Variants in VPS13B observed in about 807,000 individuals in gnomAD.
The protein encoded by VPS13B is intermembrane lipid transfer protein VPS13B.
In VPS13B, 285 loss-of-function variants were observed where a neutral mutation model predicts 426.4. The observed-to-expected ratio is 0.67, with a 90% CI of 0.61 to 0.74. The LOEUF is 0.74. VPS13B is among the 30% of genes least tolerant of loss of function. The pLI is 0.00. For synonymous variants in VPS13B, 1,676 were observed against 1,676.4 expected (o/e 1.00, Z 0.01); for missense variants, 4,537 against 4,782.6 (o/e 0.95, Z 1.51).
intron 3 of VPS13B, among the ~76,000 whole-genome samples, chr8:99,062,582 C>T (rs894462553): frequency 3.3e-5 from 5 of 152,154 alleles, no homozygotes; most frequent in Non-Finnish European, 7.3e-5. Context: ...GATTCTTCTG[C>T]CTCAGCCTCC....
chr8:99,812,330 A>C (rs1312844517), intron 44 of VPS13B, among the ~76,000 whole-genome samples: 1 of 152,202 alleles, frequency 6.6e-6, no homozygotes, highest in African/African-American at 2.4e-5. Flanking sequence ...TTGGGAAGGA[A>C]GAAGGGAACC....
intron 34 of VPS13B, among the ~76,000 whole-genome samples, chr8:99,649,625 T>TACACAC (rs57697283): frequency 4.1e-5 from 6 of 146,420 alleles, no homozygotes; most frequent in African/African-American, 1.0e-4. Flanking sequence ...CCCCTCTACA[T>TACACAC]ACACACACAC....
At chr8:99,857,525 T>C (rs1816612597) in intron 56 of VPS13B, among the ~76,000 whole-genome samples, 3 of 152,136 alleles carry the variant, frequency 2.0e-5, no homozygotes, top group Non-Finnish European at 4.4e-5. Flanking sequence ...CGCCTACTCT[T>C]TGCAGCCTGA....
chr8:99,753,623 T>C (rs907787418), intron 39 of VPS13B, among the ~76,000 whole-genome samples: 5 of 152,212 alleles, frequency 3.3e-5, no homozygotes, highest in African/African-American at 1.2e-4. Flanking sequence ...CTGCATTTGC[T>C]TGAAACCTGG....
intron 17 of VPS13B, among the ~76,000 whole-genome samples, chr8:99,224,336 C>T (rs188881096): frequency 3.9e-4 from 60 of 152,154 alleles, no homozygotes; most frequent in Admixed American, 2.6e-3. Flanking sequence ...ACTTTCTAAG[C>T]ATTTTTATGA....
intron 33 of VPS13B, among the ~76,000 whole-genome samples, chr8:99,618,514 C>T (rs1425014510): frequency 6.6e-6 from 1 of 152,158 alleles, no homozygotes; most frequent in Non-Finnish European, 1.5e-5. Context: ...CTGGCAAGAA[C>T]TCATCTAGAC....
At chr8:99,310,550 G>A (rs1820900091) in intron 19 of VPS13B, among the ~76,000 whole-genome samples, 1 of 152,158 alleles carries the variant, frequency 6.6e-6, no homozygotes, top group South Asian at 2.1e-4. Flanking sequence ...CTTGATCATG[G>A]TGTATAAGCT....
rs370696998 is a variant in VPS13B at position 99,130,988 on chromosome 8, T to C, written c.1207-3644T>C. On this transcript the variant is annotated intron_variant, in intron 8 of 61. Transcript: ENST00000357162. ...CTAGTTCAAGAACTTTCATTAGGCC[T>C]AAGTTAAATATTGGTTTTTTTAAAA... Among the ~76,000 whole-genome samples the C allele has an allele frequency of 6.6e-4, 101 of 152,344 alleles. 1 individual carries two copies. In the South Asian group the frequency reaches 0.016, roughly 23 times the overall value.
chr8:99,800,727 C>A (rs1035797470), intron 43 of VPS13B, among the ~76,000 whole-genome samples: 1 of 151,788 alleles, frequency 6.6e-6, no homozygotes, highest in African/African-American at 2.4e-5. Context: ...GGTTATTTTA[C>A]ATATGTAAAC....
intron 30 of VPS13B, among the ~76,000 whole-genome samples, chr8:99,533,232 C>T (rs1362555351): frequency 6.6e-6 from 1 of 152,122 alleles, no homozygotes; most frequent in Non-Finnish European, 1.5e-5. Context: ...AGCCGTCGTA[C>T]CTGGCCAATT....
intron 39 of VPS13B, among the ~76,000 whole-genome samples, chr8:99,727,004 C>T (rs1443284998): frequency 6.6e-6 from 1 of 152,210 alleles, no homozygotes; most frequent in Admixed American, 6.5e-5. Flanking sequence ...CAGCACTGTG[C>T]TGGGTACTTT....
chr8:99,874,279 T>C (rs989027662), intron 61 of VPS13B, among the ~76,000 whole-genome samples: 2 of 152,228 alleles, frequency 1.3e-5, no homozygotes, highest in Non-Finnish European at 2.9e-5. Flanking sequence ...CATCAAATGA[T>C]ATCAGAGCTC....
At chr8:99,593,287 G>A (rs1196651847) in intron 33 of VPS13B, among the ~76,000 whole-genome samples, 2 of 152,074 alleles carry the variant, frequency 1.3e-5, no homozygotes, top group African/African-American at 2.4e-5. Context: ...AGACATACAT[G>A]TGGTCAAGGA....
intron 34 of VPS13B, among the ~76,000 whole-genome samples, chr8:99,644,722 A>G (rs1829511087): frequency 6.6e-6 from 1 of 152,226 alleles, no homozygotes; most frequent in South Asian, 2.1e-4. Context: ...GTAATAAGCA[A>G]AAGTTATCAA....
At chr8:99,859,066 A>G (rs1816699313) in intron 56 of VPS13B, among the ~76,000 whole-genome samples, 1 of 152,220 alleles carries the variant, frequency 6.6e-6, no homozygotes, top group African/African-American at 2.4e-5. Flanking sequence ...CAAGGCAGTC[A>G]TATTAAAGCC....
At chr8:99,750,287 C>G (rs1486251071) in intron 39 of VPS13B, among the ~76,000 whole-genome samples, 1 of 152,112 alleles carries the variant, frequency 6.6e-6, no homozygotes, top group Non-Finnish European at 1.5e-5. Context: ...GACCCTTCCT[C>G]CAGAAAGCCT....
intron 43 of VPS13B, among the ~76,000 whole-genome samples, chr8:99,795,499 G>A (rs1216341909): frequency 6.6e-6 from 1 of 152,154 alleles, no homozygotes; most frequent in Admixed American, 6.5e-5. Flanking sequence ...CCCATTTACA[G>A]ATACTAAATC....
rs139993459 is a variant in VPS13B, at chr8:99,735,400, T to C, written c.7050+14353T>C. Among the ~76,000 whole-genome samples, 3 of 152,040 alleles carry C rather than the reference T, an allele frequency of 2.0e-5. No homozygotes were observed. The East Asian group carries it at 5.8e-4, about 29-fold the overall frequency. On this transcript the variant is annotated intron_variant, in intron 39 of 61. Transcript: ENST00000357162. ...GTGGGCTGTAATCCAACAAGCAGTATCCCTTATAAGACAAAGGAAATTTGG... is the reference window on the plus strand; with the variant it reads ...GTGGGCTGTAATCCAACAAGCAGTACCCCTTATAAGACAAAGGAAATTTGG...
At chr8:99,698,709 A>G (rs1204775597) in intron 35 of VPS13B, among the ~76,000 whole-genome samples, 1 of 152,222 alleles carries the variant, frequency 6.6e-6, no homozygotes, top group African/African-American at 2.4e-5. Flanking sequence ...CATTGTGCTA[A>G]GCACTGGGTT....
Sources: gnomAD v4.1 joint callset for allele counts (sites outside exome capture counted in the v4.1 genomes callset) on GRCh38, gnomAD v4.1.1 for gene constraint, MANE v1.5 for transcripts, NCBI Gene and HGNC (gene_info 2026-07-23, HGNC 2026-07-21) for gene names.